The following LGSN variants were observed in gnomAD, a reference collection of about 807,000 sequenced individuals.
The protein encoded by LGSN is lengsin, lens protein with glutamine synthetase domain.
Under a neutral mutation model 19.5 loss-of-function variants are expected in LGSN, and 21 were observed. The ratio of observed to expected loss-of-function variants is 1.07; its 90% CI spans 0.76 to 1.55. The LOEUF (loss-of-function observed/expected upper bound fraction) is 1.55, where lower values mean the gene tolerates loss of function less well. Ranked by LOEUF, LGSN falls within the 40% of genes most tolerant of loss-of-function variation. The probability of loss-of-function intolerance (pLI) is 0.00; values close to 1 mark genes in which losing one functional copy is unlikely to be tolerated. For synonymous variants in LGSN, 257 were observed against 215.6 expected (o/e 1.19, Z -1.68); for missense variants, 673 against 608.5 (o/e 1.11, Z -1.12).
At chr6:63,332,518 G>A in the LGSN span, among the ~76,000 whole-genome samples, 1 of 152,138 alleles carries the variant, frequency 6.6e-6, no homozygotes, top group East Asian at 1.9e-4. Flanking sequence ...CAGCCCAGAA[G>A]TAAAGGAAAA....
At chr6:63,534,551 A>C in the LGSN span, among the ~76,000 whole-genome samples, 1 of 152,010 alleles carries the variant, frequency 6.6e-6, no homozygotes, top group Non-Finnish European at 1.5e-5. Flanking sequence ...GCAGTGGCTC[A>C]AGTCTATAAT....
chr6:63,525,339 G>A, the LGSN span, among the ~76,000 whole-genome samples: 7 of 152,286 alleles, frequency 4.6e-5, no homozygotes, highest in Non-Finnish European at 7.4e-5. Context: ...CCTGGCTTCC[G>A]GTTAGATTCT....
At chr6:63,477,223 GAA>G in the LGSN span, among the ~76,000 whole-genome samples, 2 of 152,156 alleles carry the variant, frequency 1.3e-5, no homozygotes, top group African/African-American at 4.8e-5. Context: ...TTAAAAGTCA[GAA>G]AAGACAGACA....
At chr6:63,514,928 T>G in the LGSN span, among the ~76,000 whole-genome samples, 1 of 151,926 alleles carries the variant, frequency 6.6e-6, no homozygotes, top group Non-Finnish European at 1.5e-5. Flanking sequence ...GGTCTCAAAC[T>G]CCTGGATGAA....
the LGSN span, among the ~76,000 whole-genome samples, chr6:63,487,300 C>T: frequency 6.6e-6 from 1 of 152,240 alleles, no homozygotes; most frequent in Middle Eastern, 3.4e-3. Flanking sequence ...GGAAACAAAT[C>T]TGCCTTCTGA....
the LGSN span, among the ~76,000 whole-genome samples, chr6:63,560,058 C>T: frequency 6.6e-6 from 1 of 152,146 alleles, no homozygotes; most frequent in South Asian, 2.1e-4. Context: ...CATTTCATAA[C>T]ATATCTAACC....
chr6:63,330,752 G>T, the LGSN span, among the ~76,000 whole-genome samples: 449 of 152,276 alleles, frequency 2.9e-3, 3 homozygotes, highest in African/African-American at 0.01. Context: ...GACCAGTAGG[G>T]AATTTGTCCC....
At chr6:63,414,967 T>C in the LGSN span, among the ~76,000 whole-genome samples, 1 of 152,086 alleles carries the variant, frequency 6.6e-6, no homozygotes, top group Admixed American at 6.6e-5. Context: ...TGGAGACTTT[T>C]TAAAATAAAG....
the LGSN span, among the ~76,000 whole-genome samples, chr6:63,420,175 C>CCT: frequency 3.2e-4 from 48 of 149,188 alleles, no homozygotes; most frequent in African/African-American, 9.7e-4. Context: ...TGCACTCCAG[C>CCT]GGAGGCGACA....
At chr6:63,548,526 T>C in the LGSN span, among the ~76,000 whole-genome samples, 1 of 152,216 alleles carries the variant, frequency 6.6e-6, no homozygotes, top group Non-Finnish European at 1.5e-5. Flanking sequence ...GTAGAGCCTG[T>C]GACCATGTCC....
At chr6:63,339,497 T>TG in the LGSN span, among the ~76,000 whole-genome samples, 1 of 152,206 alleles carries the variant, frequency 6.6e-6, no homozygotes, top group Non-Finnish European at 1.5e-5. Context: ...TAGCTACTCC[T>TG]GCATGCTTTG....
At chr6:63,443,501 C>A in the LGSN span, 1 of 468,116 alleles carries the variant, frequency 2.1e-6, no homozygotes, top group Non-Finnish European at 3.0e-6. Context: ...CTCACCTTTG[C>A]ACCAGCGTGA....
the LGSN span, among the ~76,000 whole-genome samples, chr6:63,341,929 T>G: frequency 1.2e-3 from 176 of 152,286 alleles, no homozygotes; most frequent in African/African-American, 4.2e-3. Flanking sequence ...GTTCAACCAC[T>G]TAGAGCTACC....
chr6:63,456,384 T>TATATAC, the LGSN span, among the ~76,000 whole-genome samples: 1 of 128,112 alleles, frequency 7.8e-6, no homozygotes, highest in Admixed American at 7.8e-5. Flanking sequence ...TATATATATA[T>TATATAC]ATATATATAC....
At chr6:63,489,036 A>C in the LGSN span, among the ~76,000 whole-genome samples, 2 of 152,242 alleles carry the variant, frequency 1.3e-5, no homozygotes, top group Admixed American at 6.5e-5. Context: ...ATATCAAAGC[A>C]GGTAAAATAA....
At chr6:63,398,433 T>C in the LGSN span, among the ~76,000 whole-genome samples, 1 of 151,872 alleles carries the variant, frequency 6.6e-6, no homozygotes, top group African/African-American at 2.4e-5. Context: ...TCTTAGTTTT[T>C]AACAAAAATG....
the LGSN span, among the ~76,000 whole-genome samples, chr6:63,432,165 G>GA: frequency 7.4e-4 from 63 of 84,698 alleles, 1 homozygote; most frequent in Admixed American, 1.1e-3. Flanking sequence ...AAGAAAGAAA[G>GA]AAAGAAAAGG....
At chr6:63,420,175 C>A in the LGSN span, among the ~76,000 whole-genome samples, 1 of 149,096 alleles carries the variant, frequency 6.7e-6, no homozygotes, top group South Asian at 2.1e-4. Context: ...TGCACTCCAG[C>A]GGAGGCGACA....
chr6:63,436,404 A>G, the LGSN span, among the ~76,000 whole-genome samples: 1 of 152,174 alleles, frequency 6.6e-6, no homozygotes, highest in Non-Finnish European at 1.5e-5. Context: ...CCTGGCCAAA[A>G]TGTTTCTTTT....
Sources: gnomAD v4.1 joint callset for allele counts (sites outside exome capture counted in the v4.1 genomes callset) on GRCh38, gnomAD v4.1.1 for gene constraint, MANE v1.5 for transcripts, NCBI Gene and HGNC (gene_info 2026-07-23, HGNC 2026-07-21) for gene names.